Variants in ADAM19 observed in about 807,000 individuals in gnomAD.
The protein encoded by ADAM19 is ADAM metallopeptidase domain 19, also known as disintegrin and metalloproteinase domain-containing protein 19.
Under a neutral mutation model 114.7 loss-of-function variants are expected in ADAM19, and 65 were observed. The ratio of observed to expected loss-of-function variants is 0.57; its 90% confidence interval spans 0.46 to 0.70. The LOEUF (loss-of-function observed/expected upper bound fraction) is 0.70, where lower values mean the gene tolerates loss of function less well. Ranked by LOEUF, ADAM19 falls within the 30% of genes least tolerant of loss-of-function variation. The pLI, the probability that ADAM19 is intolerant of heterozygous loss-of-function variation, is 0.00. For missense variants in ADAM19, 1,063 were observed against 1,204.7 expected (o/e 0.88, Z 1.74); for synonymous variants, 466 against 460.5 (o/e 1.01, Z -0.15).
rs901741353 is a variant in ADAM19, at chr5:157,499,115, T to C, written c.1398+458A>G. Reference sequence around the variant, plus strand: ...TTCCAGATAAACCTCTTATCCCCTATAAGCTCTAGTTTCCACATCTTAAAA... The same window carrying C: ...TTCCAGATAAACCTCTTATCCCCTACAAGCTCTAGTTTCCACATCTTAAAA... On this transcript the variant is annotated intron_variant, in intron 13 of 22. Transcript: ENST00000257527. 2.6e-5 allele frequency among the ~76,000 whole-genome samples: 4 copies of C among 152,158 alleles called. No individual in the cohort carries two copies. The South Asian group carries it at 6.2e-4, about 24-fold the overall frequency.
intron 4 of ADAM19, 105 bp downstream of exon 4, chr5:157,537,808 C>T (rs1756805598): frequency 1.0e-6 from 1 of 997,558 alleles, no homozygotes; most frequent in Non-Finnish European, 1.5e-6. Context: ...GGGGGAAACA[C>T]TCCCTTCAGA....
intron 7 of ADAM19, among the ~76,000 whole-genome samples, chr5:157,516,815 A>T (rs1201704627): frequency 2.6e-5 from 4 of 152,098 alleles, no homozygotes; most frequent in Non-Finnish European, 4.4e-5. Context: ...AGAGTCAGTT[A>T]TCTCCTCCCA....
Position 157,481,940 on chromosome 5 carries a change from A to T in ADAM19, c.2554T>A (p.Phe852Ile). 3 of 1,588,592 alleles carry T rather than the reference A, an allele frequency of 1.9e-6. No individual in the cohort carries two copies. Among genetic ancestry groups the T allele is most frequent in the Non-Finnish European group, 2.6e-6 (3 of 1,167,176 alleles). Residue 852 changes from phenylalanine to isoleucine, a missense_variant, in exon 22 of 23, where the codon TTC becomes ATC. By Grantham distance (21) the Phe-to-Ile change is conservative. Around this residue, in one of 3 missense-constraint regions of ADAM19, gnomAD observed 424 missense variants for 445.5 expected, o/e 0.95. Transcript: ENST00000257527. ...PAPNCIVSQDFSRPRPPQKAL... is the reference protein window; with the variant it reads ...PAPNCIVSQDISRPRPPQKAL... ...TTCTGGGGCGGCCGAGGCCTGGAGA[A>T]GTCCTGGAGAGAAAGCAATAAGCCT... is the stretch of plus-strand genomic sequence containing the variant.
At chr5:157,497,800 C>T (rs1479858137) in intron 13 of ADAM19, among the ~76,000 whole-genome samples, 3 of 152,184 alleles carry the variant, frequency 2.0e-5, no homozygotes, top group Non-Finnish European at 4.4e-5. Context: ...GGGCAAAGGG[C>T]GAAGAGTCTT....
chr5:157,527,111 C>G (rs375764306), intron 5 of ADAM19, among the ~76,000 whole-genome samples: 14 of 152,104 alleles, frequency 9.2e-5, no homozygotes, highest in Non-Finnish European at 1.5e-4. Context: ...GCTGGGAGGC[C>G]TCAGGAAACT....
rs757714865 is a variant in ADAM19 at position 157,480,936 on chromosome 5, C to T, written c.*13G>A. On this transcript the variant is annotated 3_prime_UTR_variant, in exon 23 of 23. Transcript: ENST00000257527. The stretch of plus-strand genomic sequence containing the variant: ...AGAGAGCTCAAGGAAAGGGAGAAGC[C>T]CCTTGGACAGGTCTAGATTTTCGAG... The T allele has an allele frequency of 1.4e-5, 23 of 1,613,968 alleles. No individual in the cohort carries two copies. The highest frequency in any genetic ancestry group is 1.8e-5 in the Non-Finnish European group (21 of 1,180,008).
intron 1 of ADAM19, among the ~76,000 whole-genome samples, chr5:157,571,791 G>C (rs1561562445): frequency 6.6e-6 from 1 of 152,088 alleles, no homozygotes. Flanking sequence ...GAAGCGGTGG[G>C]ATTCTGGGCA....
chr5:157,507,536 T>C (rs1388531266), intron 9 of ADAM19, among the ~76,000 whole-genome samples: 1 of 152,214 alleles, frequency 6.6e-6, no homozygotes, highest in African/African-American at 2.4e-5. Flanking sequence ...TCATGCCCAC[T>C]TCCACCAGCT....
intron 21 of ADAM19, among the ~76,000 whole-genome samples, chr5:157,485,372 G>A (rs568327678): frequency 6.6e-6 from 1 of 152,250 alleles, no homozygotes; most frequent in East Asian, 1.9e-4. Context: ...TTATCACAAC[G>A]TGAATACACT....
chr5:157,483,221 C>T (rs558384155), intron 21 of ADAM19, among the ~76,000 whole-genome samples: 5 of 152,110 alleles, frequency 3.3e-5, no homozygotes, highest in African/African-American at 9.6e-5. Context: ...AAAAAAATTA[C>T]AAATAACTGT....
chr5:157,495,853 T>C (rs988386683), intron 14 of ADAM19, among the ~76,000 whole-genome samples: 1 of 151,908 alleles, frequency 6.6e-6, no homozygotes, highest in Non-Finnish European at 1.5e-5. Flanking sequence ...AGGCTGGTCT[T>C]GAACTCCTGA....
intron 5 of ADAM19, among the ~76,000 whole-genome samples, chr5:157,525,814 T>G (rs1216101279): frequency 6.6e-6 from 1 of 152,202 alleles, no homozygotes; most frequent in Non-Finnish European, 1.5e-5. Flanking sequence ...CTGCATTCAT[T>G]TTCAATCTCA....
Position 157,498,688 on chromosome 5 carries a change from G to GTGTATATATATATA in ADAM19, c.1398+884_1398+885insTATATATATATACA, listed in dbSNP as rs143445264. ...CATATATAATTACACATGTGTGTAT[G>GTGTATATATATATA]TATATATATATATATATATATATGG... On this transcript the variant is annotated intron_variant, in intron 13 of 22. Transcript: ENST00000257527. Among the ~76,000 whole-genome samples, 4 of 143,882 alleles carry GTGTATATATATATA rather than the reference G, an allele frequency of 2.8e-5. No individual in the cohort carries two copies. In the East Asian group the frequency reaches 6.7e-4, roughly 24 times the overall value. The allele number at this position is 143,882 out of a possible 152,430, so 94.4% of individuals were successfully genotyped here.
intron 3 of ADAM19, among the ~76,000 whole-genome samples, chr5:157,541,022 C>G (rs1261012518): frequency 6.6e-6 from 1 of 152,164 alleles, no homozygotes; most frequent in African/African-American, 2.4e-5. Flanking sequence ...AGGGTTAGGG[C>G]CAGCCATCTG....
intron 22 of ADAM19, chr5:157,481,219 C>T: frequency 1.6e-6 from 1 of 621,340 alleles, no homozygotes; most frequent in Non-Finnish European, 2.8e-6. Context: ...ACCAGCCACC[C>T]CTCCCTCTTC....
chr5:157,521,717 G>A (rs942145324), intron 5 of ADAM19, among the ~76,000 whole-genome samples: 3 of 152,196 alleles, frequency 2.0e-5, no homozygotes, highest in South Asian at 2.1e-4. Flanking sequence ...GGGTGGGAGC[G>A]TGGCAAGGAG....
At chr5:157,522,544 G>C (rs1756330553) in intron 5 of ADAM19, among the ~76,000 whole-genome samples, 1 of 152,202 alleles carries the variant, frequency 6.6e-6, no homozygotes, top group Non-Finnish European at 1.5e-5. Flanking sequence ...CCAGCACTTT[G>C]GGAGGCCAAG....
chr5:157,535,655 T>C (rs56243836), intron 4 of ADAM19, among the ~76,000 whole-genome samples: 6,599 of 152,326 alleles, frequency 0.043, 165 homozygotes, highest in South Asian at 0.075. Context: ...CCTCTCTTTC[T>C]GAAAGGCCCT....
At chr5:157,501,106 G>C (rs1561531984) in intron 12 of ADAM19, among the ~76,000 whole-genome samples, 2 of 152,172 alleles carry the variant, frequency 1.3e-5, no homozygotes, top group Non-Finnish European at 2.9e-5. Flanking sequence ...CTGTCCACCT[G>C]TCTCCCCTAA....
Sources: gnomAD v4.1 joint callset for allele counts (sites outside exome capture counted in the v4.1 genomes callset) on GRCh38, gnomAD v4.1.1 for gene constraint, gnomAD v4.1.1 regional missense constraint, MANE v1.5 for transcripts, NCBI Gene and HGNC (gene_info 2026-07-23, HGNC 2026-07-21) for gene names.